Variants in ADCY5 observed in about 807,000 individuals in gnomAD.
ADCY5 encodes adenylate cyclase type 5.
In ADCY5, 30 loss-of-function variants were observed where a neutral mutation model predicts 119.7. That is an observed-to-expected ratio of 0.25 (90% confidence interval 0.19 to 0.34). The LOEUF (loss-of-function observed/expected upper bound fraction) is 0.34, where lower values mean the gene tolerates loss of function less well. ADCY5 is among the 10% of genes least tolerant of loss of function. ADCY5 has a pLI of 1.00. For missense variants in ADCY5, 1,324 were observed against 1,775.2 expected (o/e 0.75, Z 4.57); for synonymous variants, 753 against 762.2 (o/e 0.99, Z 0.20).
chr3:123,331,423 C>T (rs530759279), intron 4 of ADCY5, among the ~76,000 whole-genome samples: 4 of 152,344 alleles, frequency 2.6e-5, no homozygotes, highest in South Asian at 2.1e-4. Context: ...CACTCTGATT[C>T]GTTGCTTGAG....
chr3:123,376,361 A>G (rs1034353347), intron 1 of ADCY5, among the ~76,000 whole-genome samples: 1 of 152,074 alleles, frequency 6.6e-6, no homozygotes, highest in Non-Finnish European at 1.5e-5. Flanking sequence ...GTGAGTGCCT[A>G]AGAATCACTA....
intron 1 of ADCY5, among the ~76,000 whole-genome samples, chr3:123,392,576 G>A (rs1024995830): frequency 1.3e-5 from 2 of 152,180 alleles, no homozygotes; most frequent in Non-Finnish European, 2.9e-5. Context: ...GCTTGCCTAA[G>A]GCCAGTCAGC....
intron 1 of ADCY5, chr3:123,416,125 G>T (rs780863163): frequency 3.5e-5 from 54 of 1,527,536 alleles, no homozygotes; most frequent in Non-Finnish European, 4.4e-5. Flanking sequence ...CAAAGGAGAA[G>T]GAGAATCAGC....
intron 1 of ADCY5, among the ~76,000 whole-genome samples, chr3:123,446,706 G>A (rs1383121348): frequency 2.6e-5 from 4 of 152,132 alleles, no homozygotes; most frequent in Non-Finnish European, 4.4e-5. Context: ...GCAATGACCA[G>A]GGGCACCCAC....
chr3:123,410,034 T>C (rs923091475), intron 1 of ADCY5, among the ~76,000 whole-genome samples: 1 of 152,220 alleles, frequency 6.6e-6, no homozygotes, highest in African/African-American at 2.4e-5. Context: ...AACTGAGACC[T>C]GTGTTCCCTG....
At chr3:123,308,806 G>T (rs1354403212) in intron 12 of ADCY5, among the ~76,000 whole-genome samples, 1 of 151,812 alleles carries the variant, frequency 6.6e-6, no homozygotes, top group African/African-American at 2.4e-5. Context: ...TCCAGCCTGG[G>T]CAACAGAGCG....
chr3:123,285,489 C>T (rs1402715291), intron 20 of ADCY5, among the ~76,000 whole-genome samples: 1 of 152,156 alleles, frequency 6.6e-6, no homozygotes, highest in Non-Finnish European at 1.5e-5. Context: ...CTGGGATGAC[C>T]CAAGAGCTGT....
At chr3:123,292,306 G>A (rs1273196438) in intron 17 of ADCY5, among the ~76,000 whole-genome samples, 1 of 152,212 alleles carries the variant, frequency 6.6e-6, no homozygotes, top group African/African-American at 2.4e-5. Flanking sequence ...ATGTCCATGG[G>A]GAAAGAGCTG....
At chr3:123,436,068 T>A (rs1311273314) in intron 1 of ADCY5, among the ~76,000 whole-genome samples, 2 of 151,298 alleles carry the variant, frequency 1.3e-5, no homozygotes, top group South Asian at 2.1e-4. Context: ...TTTTTTATAT[T>A]TTTAGTAGAG....
intron 1 of ADCY5, among the ~76,000 whole-genome samples, chr3:123,409,998 A>G (rs974579038): frequency 7.9e-5 from 12 of 152,234 alleles, no homozygotes; most frequent in Middle Eastern, 3.4e-3. Context: ...CTCTTTTTCT[A>G]CAGGTCCTCC....
intron 1 of ADCY5, among the ~76,000 whole-genome samples, chr3:123,372,097 C>CT (rs1055764812): frequency 3.3e-5 from 5 of 152,310 alleles, no homozygotes; most frequent in Admixed American, 3.3e-4. Flanking sequence ...TACTGCTGGA[C>CT]TTGTCCAGGA....
At chr3:123,383,898 GCA>G (rs1192372416) in intron 1 of ADCY5, among the ~76,000 whole-genome samples, 1 of 147,906 alleles carries the variant, frequency 6.8e-6, no homozygotes, top group Non-Finnish European at 1.5e-5. Context: ...TCCTCAAGGT[GCA>G]CACACACACC....
intron 3 of ADCY5, among the ~76,000 whole-genome samples, chr3:123,345,278 T>C (rs938660492): frequency 1.3e-5 from 2 of 152,186 alleles, no homozygotes; most frequent in Non-Finnish European, 2.9e-5. Flanking sequence ...GGGCAAGAAC[T>C]GGGCCGAGGC....
intron 19 of ADCY5, chr3:123,287,099 C>G (rs1938822901): frequency 3.3e-6 from 1 of 300,772 alleles, no homozygotes; most frequent in African/African-American, 2.2e-5. Flanking sequence ...TTTCCCTAAT[C>G]CTCCTCCTCT....
At chr3:123,444,907 T>C (rs1281333557) in intron 1 of ADCY5, among the ~76,000 whole-genome samples, 1 of 152,190 alleles carries the variant, frequency 6.6e-6, no homozygotes, top group East Asian at 1.9e-4. Context: ...CCAACCACTC[T>C]TACATGCCTG....
Position 123,320,783 on chromosome 3 carries a change from G to T in ADCY5, c.2089-12C>A. On this transcript the variant is annotated splice_polypyrimidine_tract_variant and intron_variant, in intron 8 of 20. Transcript: ENST00000462833. ...GGGTCTTCAAAGCCCTAGAAGAGAA[G>T]GATAGAAAGAGAAAGAGAAGAGAAT... The T allele has an allele frequency of 1.3e-6, 2 of 1,588,444 alleles. No individual in the cohort carries two copies. The highest frequency in any genetic ancestry group is 2.7e-5 in the African/African-American group (2 of 74,504).
chr3:123,409,218 A>G (rs1009679128), intron 1 of ADCY5, among the ~76,000 whole-genome samples: 1 of 152,146 alleles, frequency 6.6e-6, no homozygotes, highest in African/African-American at 2.4e-5. Context: ...GAAAAGTTTA[A>G]CCCTTATAAG....
rs1559829718 is a variant in ADCY5 at position 123,352,043 on chromosome 3, C to CCAGTTAGG, written c.1284+381_1284+388dup. On this transcript the variant is annotated intron_variant, in intron 2 of 20. Transcript: ENST00000462833. The surrounding 1 kb of genome is among the most constrained non-coding windows in gnomAD (Gnocchi z 4.8). ...CCCTCCCCTGCGGAGCACCTTAATC[C>CCAGTTAGG]CAGTTAGGAATGCTGGCTTCTCTCC... Among the ~76,000 whole-genome samples the CCAGTTAGG allele has an allele frequency of 1.3e-5, 2 of 152,192 alleles. No homozygotes were observed. Among genetic ancestry groups the CCAGTTAGG allele is most frequent in the Admixed American group, 6.5e-5 (1 of 15,282 alleles).
intron 12 of ADCY5, among the ~76,000 whole-genome samples, chr3:123,309,997 T>G (rs1347682799): frequency 6.6e-6 from 1 of 151,818 alleles, no homozygotes; most frequent in African/African-American, 2.4e-5. Context: ...CACAGGAGGC[T>G]CTGGTCACAG....
Sources: allele counts gnomAD v4.1 joint callset (sites outside exome capture counted in the v4.1 genomes callset), GRCh38; gene constraint gnomAD v4.1.1; non-coding constraint Gnocchi (gnomAD v3.1); transcripts MANE v1.5; gene names NCBI Gene and HGNC (gene_info 2026-07-23, HGNC 2026-07-21).